CASK: variants seen among roughly 807,000 people sequenced by gnomAD.
CASK encodes the protein calcium/calmodulin dependent serine protein kinase, also known as peripheral plasma membrane protein CASK.
A neutral mutation model predicts 82.9 loss-of-function variants in CASK; 4 were observed. The observed-to-expected ratio is 0.05, with a 90% CI of 0.02 to 0.11. The LOEUF (loss-of-function observed/expected upper bound fraction) is 0.11. Among genes scored for constraint, CASK ranks in the 10% least tolerant of loss-of-function variants. The pLI is 1.00. For missense variants in CASK, 358 were observed against 720.9 expected (o/e 0.50, Z 5.76); for synonymous variants, 259 against 253.5 (o/e 1.02, Z -0.20).
intron 15 of CASK, among the ~76,000 whole-genome samples, chrX:41,572,376 T>C (rs1029646326): frequency 9.0e-6 from 1 of 111,538 alleles, no homozygotes; most frequent in African/African-American, 3.3e-5. Context: ...GTTCCACCTG[T>C]TCTGTTATCT....
rs1319630247 is a variant in CASK at position 41,675,665 on chromosome X, A to G, written c.430-4135T>C. ...TAGAAGTAACATAAACCTGTCATAA[A>G]TCGTAAATAAAAAACTTTGTGGGAC... On this transcript the variant is annotated intron_variant, in intron 5 of 26. Transcript: ENST00000378163. The G allele has an allele frequency of 1.8e-5, 14 of 762,092 alleles. No individual in the cohort carries two copies. In the Admixed American group the frequency reaches 3.3e-4, roughly 18 times the overall value. 62.8% of individuals were successfully genotyped at this position (762,092 alleles called of 1,213,427 possible).
intron 8 of CASK, among the ~76,000 whole-genome samples, chrX:41,647,657 G>A (rs773921999): frequency 1.8e-5 from 2 of 111,828 alleles, no homozygotes; most frequent in Non-Finnish European, 3.8e-5. Flanking sequence ...CCAAACAGAA[G>A]GACCGGCTGA....
chrX:41,542,855 G>A (rs752916030), intron 21 of CASK, 49 bp from the exon 22 acceptor site: 1 of 795,267 alleles, frequency 1.3e-6, no homozygotes, highest in Admixed American at 2.4e-5. Flanking sequence ...TATAATTCTG[G>A]TTGATAAAAT....
intron 4 of CASK, among the ~76,000 whole-genome samples, chrX:41,741,069 G>C (rs1329155289): frequency 9.1e-6 from 1 of 110,483 alleles, no homozygotes; most frequent in Non-Finnish European, 1.9e-5. Flanking sequence ...TTTGAGTAGA[G>C]ACAGGGTTTC....
intron 1 of CASK, among the ~76,000 whole-genome samples, chrX:41,892,671 A>G (rs2072196306): frequency 9.0e-6 from 1 of 111,650 alleles, no homozygotes; most frequent in East Asian, 2.8e-4. Context: ...TTAAGAAATC[A>G]ATCTGGCAAC....
At chrX:41,576,106 C>G (rs1328313273) in intron 15 of CASK, among the ~76,000 whole-genome samples, 1 of 109,675 alleles carries the variant, frequency 9.1e-6, no homozygotes. Flanking sequence ...TCCTGAGTAG[C>G]TAGGATTACA....
At chrX:41,699,528 A>C (rs934157743) in intron 5 of CASK, among the ~76,000 whole-genome samples, 1 of 111,001 alleles carries the variant, frequency 9.0e-6, no homozygotes, top group African/African-American at 3.3e-5. Context: ...AACATCTTAC[A>C]TATCTCATTG....
intron 11 of CASK, among the ~76,000 whole-genome samples, chrX:41,618,993 A>AT (rs1156803834): frequency 5.8e-5 from 6 of 104,139 alleles, no homozygotes; most frequent in South Asian, 4.4e-4. Flanking sequence ...CACCTGGCTA[A>AT]TTTTTTTTTT....
intron 1 of CASK, among the ~76,000 whole-genome samples, chrX:41,897,476 T>C (rs2072289620): frequency 8.9e-6 from 1 of 111,828 alleles, no homozygotes; most frequent in African/African-American, 3.2e-5. Flanking sequence ...GTCCCTTTTT[T>C]TCTCCCATTC....
At chrX:41,764,942 T>C (rs1012093361) in intron 3 of CASK, among the ~76,000 whole-genome samples, 1 of 112,560 alleles carries the variant, frequency 8.9e-6, no homozygotes, top group Non-Finnish European at 1.9e-5. Context: ...TGTGAACCTC[T>C]TGAGCTCTCA....
chrX:41,610,050 A>G, intron 11 of CASK, 25 bp from the exon 12 acceptor site: 1 of 1,203,366 alleles, frequency 8.3e-7, no homozygotes, highest in Non-Finnish European at 1.1e-6. Flanking sequence ...CAGAAAAGAA[A>G]CAGCCAGTAT....
At chrX:41,589,627 A>C in intron 12 of CASK, 35 bp from the exon 13 acceptor site, 1 of 955,497 alleles carries the variant, frequency 1.0e-6, no homozygotes, top group Non-Finnish European at 1.5e-6. Flanking sequence ...GTAAACACTC[A>C]CAATTCTTTG....
intron 5 of CASK, among the ~76,000 whole-genome samples, chrX:41,704,133 TTTG>T (rs1367962189): frequency 9.0e-6 from 1 of 110,903 alleles, no homozygotes; most frequent in Non-Finnish European, 1.9e-5. Flanking sequence ...TTCTAAATCC[TTTG>T]TTATTTATAT....
intron 12 of CASK, among the ~76,000 whole-genome samples, chrX:41,600,873 A>C (rs2065884138): frequency 8.9e-6 from 1 of 112,207 alleles, no homozygotes; most frequent in Non-Finnish European, 1.9e-5. Context: ...ATGAGTAGAC[A>C]AACAAAATGT....
chrX:41,830,000 T>A (rs2070761933), intron 2 of CASK, among the ~76,000 whole-genome samples: 1 of 104,200 alleles, frequency 9.6e-6, no homozygotes, highest in African/African-American at 3.5e-5. Flanking sequence ...CTGAAATATC[T>A]TTTTTTTTGT....
chrX:41,726,591 C>T (rs1221938501), intron 5 of CASK, among the ~76,000 whole-genome samples: 1 of 112,209 alleles, frequency 8.9e-6, no homozygotes, highest in Non-Finnish European at 1.9e-5. Flanking sequence ...CCGCAAAATA[C>T]TTCTGTAATA....
intron 3 of CASK, among the ~76,000 whole-genome samples, chrX:41,752,698 T>C (rs2068819861): frequency 9.0e-6 from 1 of 111,440 alleles, no homozygotes; most frequent in Admixed American, 9.6e-5. Flanking sequence ...CCCACAAATA[T>C]AGAAAAATGG....
At chrX:41,756,610 T>C (rs892276809) in intron 3 of CASK, among the ~76,000 whole-genome samples, 3 of 112,543 alleles carry the variant, frequency 2.7e-5, no homozygotes, top group African/African-American at 9.7e-5. Context: ...TATTTTGCTG[T>C]AATAAATAAT....
intron 3 of CASK, among the ~76,000 whole-genome samples, chrX:41,774,087 C>A (rs1025362753): frequency 9.0e-6 from 1 of 111,506 alleles, no homozygotes; most frequent in African/African-American, 3.3e-5. Flanking sequence ...ATACTGTAGG[C>A]CAGGGCAATT....
Sources: allele counts gnomAD v4.1 joint callset (sites outside exome capture counted in the v4.1 genomes callset), GRCh38; gene constraint gnomAD v4.1.1; transcripts MANE v1.5; gene names NCBI Gene and HGNC (gene_info 2026-07-23, HGNC 2026-07-21).